TRPM6: variants seen among roughly 807,000 people sequenced by gnomAD.
TRPM6 encodes channel kinase 2.
A neutral mutation model predicts 247.6 loss-of-function variants in TRPM6; 111 were observed. The observed-to-expected ratio is 0.45, with a 90% CI of 0.38 to 0.52. The LOEUF is 0.52. Ranked by LOEUF, TRPM6 falls within the 20% of genes least tolerant of loss-of-function variation. The pLI is 0.00. For synonymous variants in TRPM6, 892 were observed against 853.8 expected (o/e 1.04, Z -0.78); for missense variants, 2,126 against 2,421.5 (o/e 0.88, Z 2.56).
chr9:74,826,109 A>G (rs1829321383), intron 7 of TRPM6, among the ~76,000 whole-genome samples: 1 of 152,212 alleles, frequency 6.6e-6, no homozygotes, highest in African/African-American at 2.4e-5. Context: ...AAAAGGAAGG[A>G]AAGAAACAGA....
intron 1 of TRPM6, chr9:74,887,534 C>A (rs913864669): frequency 3.1e-6 from 4 of 1,311,304 alleles, no homozygotes; most frequent in South Asian, 1.3e-5. Flanking sequence ...ACCCCCGACC[C>A]CCGCTAGGTT....
At position 74,840,174 on chromosome 9, in the gene TRPM6, T is replaced by G. The variant is rs1396342905; in HGVS notation, c.394A>C (p.Lys132Gln). The change falls in exon 5 of 39, where the codon AAA becomes CAA. Residue 132 changes from lysine (K) to glutamine (Q), a missense_variant. Lys to Gln is a moderately conservative substitution (Grantham distance 53). Coordinates refer to ENST00000360774, the MANE Select transcript of TRPM6 (RefSeq NM_017662.5). The part of the protein sequence containing the change: ...HLLHLMLKEW[K>Q]MELPKLVISV... ...ATCACAAGCTTGGGCAGTTCCATTT[T>G]CCACTCTTTCAACATTAAATGTAAC... is the stretch of plus-strand genomic sequence containing the variant. The G allele has an allele frequency of 1.9e-6, 3 of 1,614,054 alleles. No individual in the cohort carries two copies. Among genetic ancestry groups the G allele is most frequent in the Non-Finnish European group, 2.5e-6 (3 of 1,180,018 alleles).
intron 13 of TRPM6, among the ~76,000 whole-genome samples, chr9:74,809,024 G>A (rs1341117312): frequency 6.6e-6 from 1 of 152,144 alleles, no homozygotes; most frequent in African/African-American, 2.4e-5. Flanking sequence ...CAGACTATGT[G>A]AAAGGGTCTG....
At position 74,782,814 on chromosome 9, in the gene TRPM6, C is replaced by T. The variant is rs747751076; in HGVS notation, c.2959G>A (p.Val987Ile). ...MFYIVIIMAI[V>I]LLSFGVARKA... The stretch of plus-strand genomic sequence containing the variant: ...CGTGCCACTCCAAAGCTCAGCAGGA[C>T]TATGGCCATGATGATCACAATATAG... Residue 987 changes from valine (V) to isoleucine (I), a missense_variant, in exon 22 of 39, where the codon GTC becomes ATC. By Grantham distance (29) the Val-to-Ile change is conservative (BLOSUM62 3). Coordinates refer to ENST00000360774, the MANE Select transcript of TRPM6 (RefSeq NM_017662.5). The T allele has an allele frequency of 1.2e-6, 2 of 1,614,152 alleles. No homozygotes were observed. Among genetic ancestry groups the T allele is most frequent in the Admixed American group, 1.7e-5 (1 of 60,028 alleles).
chr9:74,796,749 C>G lies in TRPM6; in HGVS notation c.2383G>C (p.Ala795Pro), dbSNP rs1216635185. The stretch of plus-strand genomic sequence containing the variant: ...TATGATTTTGCACTAACCACAGAAG[C>G]ACTTTCTTTGGAACTGCTGGCGTTC... The part of the protein sequence containing the change: ...DQNASSSKES[A>P]SVKEYDLERG... The change falls in exon 18 of 39, where the codon GCT becomes CCT. Residue 795 changes from alanine to proline, a missense_variant. Ala to Pro is a conservative substitution (Grantham distance 27, BLOSUM62 -1). Coordinates refer to ENST00000360774, the MANE Select transcript of TRPM6 (RefSeq NM_017662.5). 1 of 1,613,870 alleles carries G rather than the reference C, an allele frequency of 6.2e-7. No individual in the cohort carries two copies. The highest frequency in any genetic ancestry group is 8.5e-7 in the Non-Finnish European group (1 of 1,179,914).
intron 1 of TRPM6, chr9:74,887,350 C>T: frequency 2.2e-6 from 3 of 1,391,258 alleles, no homozygotes; most frequent in Non-Finnish European, 2.8e-6. Flanking sequence ...CGGAAAGCCG[C>T]GACCCCCGGC....
chr9:74,731,431 G>A (rs1438748761), intron 37 of TRPM6, among the ~76,000 whole-genome samples: 1 of 151,860 alleles, frequency 6.6e-6, no homozygotes, highest in Non-Finnish European at 1.5e-5. Context: ...TATAAGAGTG[G>A]TAACACGGTC....
At chr9:74,846,978 A>G (rs752359025) in intron 3 of TRPM6, among the ~76,000 whole-genome samples, 3 of 152,156 alleles carry the variant, frequency 2.0e-5, no homozygotes, top group Non-Finnish European at 2.9e-5. Context: ...CAAACCACAC[A>G]TGGCTCCATG....
At chr9:74,825,000 C>T (rs1462139985) in intron 7 of TRPM6, among the ~76,000 whole-genome samples, 1 of 152,182 alleles carries the variant, frequency 6.6e-6, no homozygotes, top group Non-Finnish European at 1.5e-5. Flanking sequence ...TGGCTCACAC[C>T]TGTAATTCCA....
Position 74,887,302 on chromosome 9 carries a change from G to T in TRPM6, c.33+522C>A, listed in dbSNP as rs185686092. 122 of 1,368,764 alleles carry T rather than the reference G, an allele frequency of 8.9e-5. No individual in the cohort carries two copies. The African/African-American group carries it at 1.6e-3, about 18-fold the overall frequency. The allele number at this position is 1,368,764 out of a possible 1,614,324, so 84.8% of individuals were successfully genotyped here. On this transcript the variant is annotated intron_variant, in intron 1 of 38. Transcript: ENST00000360774. ...TGGGCGCACGGGGACGCGCAGGGGC[G>T]CGGAGGGACGGCCGTCTGGGCACTT...
chr9:74,855,218 G>A (rs986123100), intron 3 of TRPM6, among the ~76,000 whole-genome samples: 11 of 152,198 alleles, frequency 7.2e-5, no homozygotes, highest in African/African-American at 2.4e-4. Context: ...TTACAGTCCC[G>A]TATGCGCATG....
chr9:74,853,680 G>A (rs12343150), intron 3 of TRPM6, among the ~76,000 whole-genome samples: 88,263 of 151,390 alleles, frequency 0.58, 25,989 homozygotes, highest in East Asian at 0.78. Context: ...AAGAGTCATC[G>A]CCACTCCCTA....
rs370091559 is a variant in TRPM6, at chr9:74,734,634, G to C, written c.5777-1898C>G. ...TGCTTAGCAAAGTGTCTGCCCCCTA[G>C]GAAGCTGAAAAAATGTTCAGTTACT... On this transcript the variant is annotated intron_variant, in intron 36 of 38. Coordinates refer to ENST00000360774, the MANE Select transcript of TRPM6 (RefSeq NM_017662.5). Among the ~76,000 whole-genome samples, 307 of 152,090 alleles carry C rather than the reference G, an allele frequency of 2.0e-3. 1 individual carries two copies. The highest frequency in any genetic ancestry group is 6.9e-3 in the African/African-American group (288 of 41,500).
intron 13 of TRPM6, 64 bp from the exon 14 acceptor site, chr9:74,808,238 C>G: frequency 6.3e-7 from 1 of 1,592,326 alleles, no homozygotes; most frequent in Non-Finnish European, 8.6e-7. Context: ...TCTTGCCATG[C>G]CATTAGAACA....
intron 1 of TRPM6, among the ~76,000 whole-genome samples, chr9:74,878,904 A>G (rs1831272436): frequency 2.6e-5 from 4 of 152,150 alleles, no homozygotes. Context: ...GGACCACTCA[A>G]CCTCAGGAGT....
rs73532466 is a variant in TRPM6, at chr9:74,775,717, G to A, written c.3403+166C>T. Reference sequence around the variant, plus strand: ...GCAAAAGGCACTGCGACCTCATAATGAGGTCAATATATTTACTCAGACCCA... The same window carrying A: ...GCAAAAGGCACTGCGACCTCATAATAAGGTCAATATATTTACTCAGACCCA... On this transcript the variant is annotated intron_variant, in intron 24 of 38. Transcript: ENST00000360774. 0.021 allele frequency among the ~76,000 whole-genome samples: 3,113 copies of A among 151,522 alleles called. 117 individuals carry two copies. The highest frequency in any genetic ancestry group is 0.072 in the African/African-American group (2,980 of 41,498).
intron 3 of TRPM6, among the ~76,000 whole-genome samples, chr9:74,848,729 C>T (rs1046752995): frequency 6.6e-6 from 1 of 152,184 alleles, no homozygotes; most frequent in Admixed American, 6.5e-5. Flanking sequence ...GCTTTTCATT[C>T]TAAATTTCTG....
In TRPM6 at chr9:74,803,262, A is replaced by C. The variant is rs73534355; in HGVS notation, c.1731+532T>G. The stretch of plus-strand genomic sequence containing the variant: ...TATTCTCAGAGTAAAGTGGGACTGG[A>C]GGAGTATGAGACTAGGAGGAATAAC... On this transcript the variant is annotated intron_variant, in intron 15 of 38. Coordinates refer to ENST00000360774, the MANE Select transcript of TRPM6 (RefSeq NM_017662.5). Among the ~76,000 whole-genome samples, 1,358 of 151,618 alleles carry C rather than the reference A, an allele frequency of 9.0e-3. 18 individuals are homozygous for C. Among genetic ancestry groups the C allele is most frequent in the African/African-American group, 0.031 (1,296 of 41,268 alleles).
At chr9:74,792,814 T>C in intron 18 of TRPM6, 44 bp from the exon 19 acceptor site, 1 of 1,570,596 alleles carries the variant, frequency 6.4e-7, no homozygotes, top group Non-Finnish European at 8.8e-7. Context: ...GCAGCTTAAC[T>C]AAAATAGTGA....
Sources: allele counts gnomAD v4.1 joint callset (sites outside exome capture counted in the v4.1 genomes callset), GRCh38; gene constraint gnomAD v4.1.1; transcripts MANE v1.5; gene names NCBI Gene and HGNC (gene_info 2026-07-23, HGNC 2026-07-21).